WDFY1: variants seen among roughly 807,000 people sequenced by gnomAD.
WDFY1 encodes the protein WD repeat and FYVE domain-containing protein 1.
WDFY1 carries 32 observed loss-of-function variants against 56.4 expected under a neutral mutation model. That is an observed-to-expected ratio of 0.57 (90% confidence interval 0.43 to 0.76). The LOEUF is 0.76. Among genes scored for constraint, WDFY1 ranks in the 30% least tolerant of loss-of-function variants. WDFY1 has a pLI of 0.00. For synonymous variants in WDFY1, 192 were observed against 197.3 expected (o/e 0.97, Z 0.23); for missense variants, 480 against 545.7 (o/e 0.88, Z 1.20).
rs374935401 is a variant in WDFY1 at position 223,892,228 on chromosome 2, A to G, written c.831+2006T>C. ...TGACCTCAGGTGATCCACCCACCTC[A>G]GCCTCCCAAAGCGCTGGGATTACAG... On this transcript the variant is annotated intron_variant, in intron 8 of 11. Coordinates refer to ENST00000233055, the MANE Select transcript of WDFY1 (RefSeq NM_020830.5). 3.9e-5 allele frequency among the ~76,000 whole-genome samples: 6 copies of G among 152,302 alleles called. No homozygotes were observed. The East Asian group carries it at 9.6e-4, about 24-fold the overall frequency.
At chr2:223,931,883 G>A (rs1410621229) in intron 1 of WDFY1, among the ~76,000 whole-genome samples, 1 of 151,658 alleles carries the variant, frequency 6.6e-6, no homozygotes, top group Non-Finnish European at 1.5e-5. Context: ...ACAGGGTTTC[G>A]CCATGTTGGC....
Position 223,876,560 on chromosome 2 carries a change from T to A in WDFY1, c.*2111A>T, listed in dbSNP as rs1342518619. The A allele has an allele frequency of 2.0e-5, 3 of 152,190 alleles. No homozygotes were observed. Among genetic ancestry groups the A allele is most frequent in the African/African-American group, 7.2e-5 (3 of 41,442 alleles). The allele number at this position is 152,190 out of a possible 1,614,324, so 9.4% of individuals were successfully genotyped here. On this transcript the variant is annotated 3_prime_UTR_variant, in exon 12 of 12. Coordinates refer to ENST00000233055, the MANE Select transcript of WDFY1 (RefSeq NM_020830.5). ...TAAGATACGTCACTCCAATTCTTCCTTAAATATAAACTTCCTCCTTGATTT... is the reference window on the plus strand; with the variant it reads ...TAAGATACGTCACTCCAATTCTTCCATAAATATAAACTTCCTCCTTGATTT...
chr2:223,925,967 G>T (rs1242144257), intron 1 of WDFY1, among the ~76,000 whole-genome samples: 1 of 152,094 alleles, frequency 6.6e-6, no homozygotes, highest in Non-Finnish European at 1.5e-5. Flanking sequence ...ACCCCTCAAA[G>T]TTATCCATGA....
At chr2:223,915,983 TG>T (rs1693780628) in intron 2 of WDFY1, among the ~76,000 whole-genome samples, 1 of 152,344 alleles carries the variant, frequency 6.6e-6, no homozygotes, top group South Asian at 2.1e-4. Context: ...CATGCAGACA[TG>T]GGTAACAGAA....
chr2:223,927,184 T>C (rs1693998542), intron 1 of WDFY1, among the ~76,000 whole-genome samples: 1 of 152,208 alleles, frequency 6.6e-6, no homozygotes, highest in African/African-American at 2.4e-5. Context: ...AACTTAAAGT[T>C]ACCAGCTGCA....
chr2:223,901,533 G>C (rs678370), intron 4 of WDFY1, among the ~76,000 whole-genome samples, 200 bp from the exon 5 acceptor site: 141,704 of 152,240 alleles, frequency 0.93, 66,022 homozygotes, highest in South Asian at 0.96. Flanking sequence ...TCTCCAAGGC[G>C]GTGCCCTCTG....
rs564374677 is a variant in WDFY1 at position 223,921,134 on chromosome 2, T to C, written c.138-3124A>G. On this transcript the variant is annotated intron_variant, in intron 1 of 11. Coordinates refer to ENST00000233055, the MANE Select transcript of WDFY1 (RefSeq NM_020830.5). Reference sequence around the variant, plus strand: ...CCGGGTGTTGGTAACCATGGATATATGTATTTGTTAGAACCTGTCCAACTC... The same window carrying C: ...CCGGGTGTTGGTAACCATGGATATACGTATTTGTTAGAACCTGTCCAACTC... Among the ~76,000 whole-genome samples the C allele has an allele frequency of 6.6e-5, 10 of 152,302 alleles. No homozygotes were observed. The South Asian group carries it at 1.7e-3, about 25-fold the overall frequency.
At position 223,875,651 on chromosome 2, in the gene WDFY1, T is replaced by C. The variant is rs1042910053; in HGVS notation, c.*3020A>G. Reference sequence around the variant, plus strand: ...GTATTGTAAACTGCAGAAAATAGAATAGGCATTCAATAAATCTGCTCACAA... The same window carrying C: ...GTATTGTAAACTGCAGAAAATAGAACAGGCATTCAATAAATCTGCTCACAA... On this transcript the variant is annotated 3_prime_UTR_variant, in exon 12 of 12. Coordinates refer to ENST00000233055, the MANE Select transcript of WDFY1 (RefSeq NM_020830.5). The C allele has an allele frequency of 1.3e-5, 2 of 152,206 alleles. No individual in the cohort carries two copies. Among genetic ancestry groups the C allele is most frequent in the Non-Finnish European group, 2.9e-5 (2 of 68,032 alleles). The allele number at this position is 152,206 out of a possible 1,614,324, so 9.4% of individuals were successfully genotyped here.
chr2:223,925,511 C>T (rs1308540228), intron 1 of WDFY1, among the ~76,000 whole-genome samples: 2 of 152,202 alleles, frequency 1.3e-5, no homozygotes, highest in African/African-American at 2.4e-5. Flanking sequence ...AATGTTGATG[C>T]TGCTGATCCA....
chr2:223,925,297 C>T (rs901285154), intron 1 of WDFY1, among the ~76,000 whole-genome samples: 11 of 151,292 alleles, frequency 7.3e-5, no homozygotes, highest in Non-Finnish European at 1.2e-4. Flanking sequence ...AAGCAAATGT[C>T]GCAACAAAGT....
At chr2:223,890,906 G>T (rs1332451200) in intron 8 of WDFY1, among the ~76,000 whole-genome samples, 1 of 152,112 alleles carries the variant, frequency 6.6e-6, no homozygotes, top group Non-Finnish European at 1.5e-5. Context: ...TTCTCATTAT[G>T]ATCTGGCAGG....
rs1371216398 is a variant in WDFY1 at position 223,906,979 on chromosome 2, T to TATC, written c.280-979_280-978insGAT. Among the ~76,000 whole-genome samples the TATC allele has an allele frequency of 9.7e-3, 1,460 of 150,820 alleles. 24 individuals carry two copies. The highest frequency in any genetic ancestry group is 0.034 in the African/African-American group (1,382 of 41,076). The stretch of plus-strand genomic sequence containing the variant: ...CCATTATTATTATTATTATTATTAT[T>TATC]ATTATATTATTTTGAGACAGAGTCT... On this transcript the variant is annotated intron_variant, in intron 3 of 11. Transcript: ENST00000233055.
At chr2:223,942,272 T>G (rs1049001162) in intron 1 of WDFY1, among the ~76,000 whole-genome samples, 5 of 151,596 alleles carry the variant, frequency 3.3e-5, no homozygotes, top group Non-Finnish European at 7.4e-5. Context: ...CAGGCTGGAG[T>G]GCAGTGGCAC....
At chr2:223,927,740 GCT>G (rs1286439637) in intron 1 of WDFY1, among the ~76,000 whole-genome samples, 1 of 152,196 alleles carries the variant, frequency 6.6e-6, no homozygotes, top group Non-Finnish European at 1.5e-5. Flanking sequence ...AAAAGGCCTA[GCT>G]TTCGGCCTGT....
chr2:223,889,882 TTCTACTTAATTTTCATTATG>T, intron 8 of WDFY1, among the ~76,000 whole-genome samples: 1 of 152,224 alleles, frequency 6.6e-6, no homozygotes, highest in African/African-American at 2.4e-5. Context: ...TGTTTTTTTA[TTCTACTTAATTTTCATTATG>T]TCCTAGGAGA....
chr2:223,925,317 A>C (rs1168715461), intron 1 of WDFY1, among the ~76,000 whole-genome samples: 2 of 152,190 alleles, frequency 1.3e-5, no homozygotes, highest in East Asian at 1.9e-4. Context: ...TGAGTCACAC[A>C]AATTTTTGGT....
intron 8 of WDFY1, among the ~76,000 whole-genome samples, chr2:223,890,410 T>A (rs2106075108): frequency 6.6e-6 from 1 of 152,264 alleles, no homozygotes; most frequent in Non-Finnish European, 1.5e-5. Context: ...AGGCAGAGGT[T>A]GCAGTGACAA....
At chr2:223,886,203 G>A (rs1693171952) in intron 8 of WDFY1, among the ~76,000 whole-genome samples, 1 of 151,794 alleles carries the variant, frequency 6.6e-6, no homozygotes, top group Admixed American at 6.6e-5. Context: ...GCCGGGTGTG[G>A]TGGCACACAC....
intron 1 of WDFY1, among the ~76,000 whole-genome samples, chr2:223,935,071 C>T (rs1694146612): frequency 6.6e-6 from 1 of 152,106 alleles, no homozygotes; most frequent in South Asian, 2.1e-4. Context: ...CTCTATGGGA[C>T]ACTGCAGGTA....
Sources: gnomAD v4.1 joint callset for allele counts (sites outside exome capture counted in the v4.1 genomes callset) on GRCh38, gnomAD v4.1.1 for gene constraint, MANE v1.5 for transcripts, NCBI Gene and HGNC (gene_info 2026-07-23, HGNC 2026-07-21) for gene names.